Variants in TBCD observed in about 807,000 individuals in gnomAD.
TBCD encodes tubulin folding cofactor D, also known as tubulin-specific chaperone D.
TBCD carries 105 observed loss-of-function variants against 169.3 expected under a neutral mutation model. That is an observed-to-expected ratio of 0.62 (90% CI 0.53 to 0.73). TBCD has a LOEUF of 0.73. Among genes scored for constraint, TBCD ranks in the 30% least tolerant of loss-of-function variants. The pLI is 0.00. For synonymous variants in TBCD, 700 were observed against 643.9 expected (o/e 1.09, Z -1.32); for missense variants, 1,444 against 1,600.1 (o/e 0.90, Z 1.66).
In TBCD at chr17:82,831,738, G is replaced by C; in HGVS notation, c.1318+16804G>C. Reference sequence around the variant, plus strand: ...TGTAAAAGTGAGGCGGGTACTCTGGGATTGTGGGGTGCATGTAAGGGGAAA... The same window carrying C: ...TGTAAAAGTGAGGCGGGTACTCTGGCATTGTGGGGTGCATGTAAGGGGAAA... On this transcript the variant is annotated intron_variant, in intron 13 of 38. Coordinates refer to ENST00000355528, the MANE Select transcript of TBCD (RefSeq NM_005993.5). This position sits in a 1 kb window ranked among gnomAD's most constrained non-coding sequence, Gnocchi z 4.6. 1 of 1,614,176 alleles carries C rather than the reference G, an allele frequency of 6.2e-7. No homozygotes were observed. The highest frequency in any genetic ancestry group is 2.2e-5 in the East Asian group (1 of 44,892).
chr17:82,856,030 G>T (rs1222680721), intron 13 of TBCD, among the ~76,000 whole-genome samples: 8 of 129,146 alleles, frequency 6.2e-5, no homozygotes, highest in African/African-American at 1.9e-4. Flanking sequence ...TAGAGACAGG[G>T]TCTCACCATC....
intron 13 of TBCD, among the ~76,000 whole-genome samples, chr17:82,822,652 G>A (rs2052510302): frequency 6.6e-6 from 1 of 152,322 alleles, no homozygotes; most frequent in South Asian, 2.1e-4. Context: ...AAGGAAGAGC[G>A]AGGGAGAGTG....
chr17:82,824,157 AT>A (rs1419078094), intron 13 of TBCD, among the ~76,000 whole-genome samples: 2 of 151,824 alleles, frequency 1.3e-5, no homozygotes, highest in African/African-American at 4.8e-5. Context: ...GACATACCAT[AT>A]ATTTATTTAT....
chr17:82,811,560 G>A lies in TBCD; in HGVS notation c.1223+1778G>A, dbSNP rs1439314336. On this transcript the variant is annotated intron_variant, in intron 12 of 38. Coordinates refer to ENST00000355528, the MANE Select transcript of TBCD (RefSeq NM_005993.5). ...AAAGTAGCTGCAGGGCCATCATCCC[G>A]AGTCCTCGCAGGATGCAGCTCTGGT... 2.0e-5 allele frequency among the ~76,000 whole-genome samples: 3 copies of A among 152,154 alleles called. No individual in the cohort carries two copies. In the East Asian group the frequency reaches 5.8e-4, roughly 29 times the overall value.
chr17:82,852,425 C>G (rs967048326), intron 13 of TBCD, among the ~76,000 whole-genome samples: 1 of 152,166 alleles, frequency 6.6e-6, no homozygotes, highest in African/African-American at 2.4e-5. Context: ...ATGTATCCCT[C>G]ACAGTTCTGG....
At chr17:82,881,269 C>G (rs900150760) in intron 14 of TBCD, among the ~76,000 whole-genome samples, 2 of 152,226 alleles carry the variant, frequency 1.3e-5, no homozygotes, top group Non-Finnish European at 2.9e-5. Context: ...CTGCAATAAG[C>G]AAACATTTCT....
rs752375306 is a variant in TBCD, at chr17:82,937,817, CCT to C, written c.3282-229_3282-228del. 14 of 1,444,400 alleles carry C rather than the reference CCT, an allele frequency of 9.7e-6. 1 individual carries two copies. In the South Asian group the frequency reaches 1.9e-4, roughly 20 times the overall value. 89.5% of individuals were successfully genotyped at this position (1,444,400 alleles called of 1,614,324 possible). On this transcript the variant is annotated intron_variant, in intron 35 of 38. Transcript: ENST00000355528. ...CAGGGCGAGCGGCCCTGCAGGAGAT[CCT>C]CTGTGAGGCGTCCTCACTTCCCACA...
intron 1 of TBCD, among the ~76,000 whole-genome samples, chr17:82,754,224 C>G (rs1280217142): frequency 6.6e-6 from 1 of 151,888 alleles, no homozygotes; most frequent in Non-Finnish European, 1.5e-5. Context: ...TAGAGGTAAT[C>G]TGGGGGAAAG....
chr17:82,806,279 C>T lies in TBCD; in HGVS notation c.1087+268C>T, dbSNP rs2050956454. ...GACCTGGGCTGCCTGTTCTGGGCAGCTGGGTGTGTCCTCAGGAAACAGTTC... is the reference window on the plus strand; with the variant it reads ...GACCTGGGCTGCCTGTTCTGGGCAGTTGGGTGTGTCCTCAGGAAACAGTTC... On this transcript the variant is annotated intron_variant, in intron 10 of 38. Coordinates refer to ENST00000355528, the MANE Select transcript of TBCD (RefSeq NM_005993.5). The surrounding 1 kb of genome is among the most constrained non-coding windows in gnomAD (Gnocchi z 5.1). Among the ~76,000 whole-genome samples, 1 of 152,146 alleles carries T rather than the reference C, an allele frequency of 6.6e-6. No individual in the cohort carries two copies. The highest frequency in any genetic ancestry group is 1.5e-5 in the Non-Finnish European group (1 of 68,004).
At chr17:82,940,472 G>A (rs1435534883) in intron 37 of TBCD, among the ~76,000 whole-genome samples, 2 of 152,234 alleles carry the variant, frequency 1.3e-5, no homozygotes, top group Non-Finnish European at 2.9e-5. Flanking sequence ...CAGCAAGGAC[G>A]TAGGTGACGT....
At position 82,807,620 on chromosome 17, in the gene TBCD, T is replaced by A; in HGVS notation, c.1100T>A (p.Val367Asp). 1 of 1,546,094 alleles carries A rather than the reference T, an allele frequency of 6.5e-7. No individual in the cohort carries two copies. Among genetic ancestry groups the A allele is most frequent in the East Asian group, 2.4e-5 (1 of 41,180 alleles). The stretch of plus-strand genomic sequence containing the variant: ...CCTCTTCCTACAGAGCAGCTGCTGG[T>A]CGGGCTGAAGGACAAGGACACGGTC... ...GVERVIEQLL[V>D]GLKDKDTVVR... Residue 367 changes from valine to aspartate, a missense_variant, in exon 11 of 39, where the codon GTC (valine) becomes GAC (aspartate). Physicochemically the swap from Val to Asp is radical, Grantham distance 152 (BLOSUM62 -3). Transcript: ENST00000355528.
chr17:82,805,090 C>G (rs1555690020), intron 9 of TBCD, among the ~76,000 whole-genome samples: 1 of 152,272 alleles, frequency 6.6e-6, no homozygotes, highest in African/African-American at 2.4e-5. Flanking sequence ...CCGCCCTGCA[C>G]TCACCCTTGG....
chr17:82,929,880 C>T (rs1341803875), intron 32 of TBCD: 2 of 390,010 alleles, frequency 5.1e-6, no homozygotes, highest in South Asian at 2.3e-5. Context: ...CCAGGCCCAG[C>T]TTCTCATGTC....
At position 82,923,488 on chromosome 17, in the gene TBCD, C is replaced by T. The variant is rs752193291; in HGVS notation, c.2179-164C>T. 3.3e-5 allele frequency among the ~76,000 whole-genome samples: 5 copies of T among 151,734 alleles called. No individual in the cohort carries two copies. Among genetic ancestry groups the T allele is most frequent in the Admixed American group, 6.6e-5 (1 of 15,246 alleles). Reference sequence around the variant, plus strand: ...GCCGGGTGCTTCTCCAACCTCAGGGCGACCCGCTGGGTCCCTGGTCAGGCA... The same window carrying T: ...GCCGGGTGCTTCTCCAACCTCAGGGTGACCCGCTGGGTCCCTGGTCAGGCA... On this transcript the variant is annotated intron_variant, in intron 25 of 38. Transcript: ENST00000355528. The surrounding 1 kb of genome is among the most constrained non-coding windows in gnomAD (Gnocchi z 4.6).
chr17:82,774,322 C>T (rs532863389), intron 6 of TBCD, among the ~76,000 whole-genome samples: 1 of 152,248 alleles, frequency 6.6e-6, no homozygotes, highest in East Asian at 1.9e-4. Flanking sequence ...ATCCATTTAC[C>T]CCTGAGTGGA....
intron 8 of TBCD, among the ~76,000 whole-genome samples, chr17:82,799,358 C>T (rs912370589): frequency 1.4e-5 from 2 of 147,874 alleles, no homozygotes; most frequent in Non-Finnish European, 3.0e-5. Flanking sequence ...CAGGAGAATC[C>T]CTTGAGCCAG....
At chr17:82,878,882 C>T (rs971662016) in intron 14 of TBCD, among the ~76,000 whole-genome samples, 11 of 152,090 alleles carry the variant, frequency 7.2e-5, no homozygotes, top group African/African-American at 2.7e-4. Flanking sequence ...ATCATTCGCT[C>T]CTGCCAGTGT....
chr17:82,929,320 G>C, intron 31 of TBCD, 42 bp from the exon 32 acceptor site: 1 of 1,609,898 alleles, frequency 6.2e-7, no homozygotes, highest in Non-Finnish European at 8.5e-7. Flanking sequence ...GCCATGGCGA[G>C]ATCATTGGCA....
intron 13 of TBCD, among the ~76,000 whole-genome samples, 192 bp from the exon 14 acceptor site, chr17:82,870,032 C>T (rs958969583): frequency 2.6e-5 from 4 of 152,204 alleles, no homozygotes; most frequent in African/African-American, 7.2e-5. Flanking sequence ...ATCTTCCTTT[C>T]GTAGGTTTGT....
Sources: allele counts gnomAD v4.1 joint callset (sites outside exome capture counted in the v4.1 genomes callset), GRCh38; gene constraint gnomAD v4.1.1; non-coding constraint Gnocchi (gnomAD v3.1); transcripts MANE v1.5; gene names NCBI Gene and HGNC (gene_info 2026-07-23, HGNC 2026-07-21).